Variants in RIOK3 observed in about 807,000 individuals in gnomAD.
RIOK3 encodes the protein RIO kinase 3.
In RIOK3, 40 loss-of-function variants were observed where a neutral mutation model predicts 63.5. The observed-to-expected ratio is 0.63, with a 90% confidence interval of 0.49 to 0.82. The LOEUF (loss-of-function observed/expected upper bound fraction) is 0.82, where lower values mean the gene tolerates loss of function less well. Among genes scored for constraint, RIOK3 ranks in the 40% least tolerant of loss-of-function variants. The pLI is 0.00. For missense variants in RIOK3, 557 were observed against 637.0 expected, an observed-to-expected ratio of 0.87 and a Z score of 1.35; for synonymous variants, 193 against 205.0, an observed-to-expected ratio of 0.94 and a Z score of 0.50.
At chr18:23,480,081 G>T (rs1185151109) in intron 12 of RIOK3, among the ~76,000 whole-genome samples, 1 of 152,170 alleles carries the variant, frequency 6.6e-6, no homozygotes, top group East Asian at 1.9e-4. Context: ...TAGAAAGTTA[G>T]AAGTGCCTAT....
At position 23,459,980 on chromosome 18, in the gene RIOK3, C is replaced by T. The variant is rs2057364386; in HGVS notation, c.64-2984C>T. Among the ~76,000 whole-genome samples the T allele has an allele frequency of 2.6e-5, 4 of 152,214 alleles. No homozygotes were observed. The South Asian group carries it at 8.3e-4, about 32-fold the overall frequency. ...AAGTGCTGGGATTACAGGCGTGAGC[C>T]ACTGCACACGGCCTGAGTATGCCAT... On this transcript the variant is annotated intron_variant, in intron 1 of 12. Transcript: ENST00000339486.
intron 7 of RIOK3, 34 bp from the exon 8 acceptor site, chr18:23,473,395 C>T (rs1246244691): frequency 1.0e-5 from 14 of 1,399,424 alleles, no homozygotes; most frequent in Non-Finnish European, 1.2e-5. Flanking sequence ...GAGCTGGCAA[C>T]TTGTACTGAC....
chr18:23,481,463 A>G lies in RIOK3; in HGVS notation c.*184A>G. On this transcript the variant is annotated 3_prime_UTR_variant, in exon 13 of 13. Transcript: ENST00000339486. The stretch of plus-strand genomic sequence containing the variant: ...TTTAGCTCAGCATTGAGAGAATAAA[A>G]TGTCACTACCTCTCATCTTATGAAC... 1 of 488,306 alleles carries G rather than the reference A, an allele frequency of 2.0e-6. No homozygotes were observed. The highest frequency in any genetic ancestry group is 3.6e-6 in the Non-Finnish European group (1 of 278,482). The allele number at this position is 488,306 out of a possible 1,614,324, so 30.2% of individuals were successfully genotyped here.
intron 8 of RIOK3, 129 bp from the exon 9 acceptor site, chr18:23,474,818 TG>T: frequency 1.5e-6 from 1 of 657,086 alleles, no homozygotes; most frequent in South Asian, 2.1e-5. Context: ...TTACTGTCTT[TG>T]TATTCCCACA....
At chr18:23,463,156 AGTGGTTTGG>A in intron 2 of RIOK3, 77 bp downstream of exon 2, 1 of 936,258 alleles carries the variant, frequency 1.1e-6, no homozygotes, top group South Asian at 1.6e-5. Flanking sequence ...TGTCATGACA[AGTGGTTTGG>A]AAAAAGCAGT....
At chr18:23,479,527 CAA>C in intron 12 of RIOK3, 103 bp downstream of exon 12, 1 of 614,292 alleles carries the variant, frequency 1.6e-6, no homozygotes, top group Non-Finnish European at 2.8e-6. Context: ...TCCCCCAAAA[CAA>C]AATTAATTTG....
At chr18:23,457,562 A>G (rs2057348942) in intron 1 of RIOK3, among the ~76,000 whole-genome samples, 1 of 152,236 alleles carries the variant, frequency 6.6e-6, no homozygotes, top group South Asian at 2.1e-4. Context: ...AACGTATAAT[A>G]CTAATGCAAG....
chr18:23,466,637 C>T (rs2057409917), intron 6 of RIOK3, among the ~76,000 whole-genome samples: 1 of 146,898 alleles, frequency 6.8e-6, no homozygotes, highest in African/African-American at 2.5e-5. Flanking sequence ...CTGCAGTGAA[C>T]CATGATTGTG....
chr18:23,454,872 C>CT (rs2057327942), intron 1 of RIOK3, among the ~76,000 whole-genome samples: 1 of 152,168 alleles, frequency 6.6e-6, no homozygotes, highest in East Asian at 1.9e-4. Flanking sequence ...ATCATTAATC[C>CT]TTTTTTTCTC....
chr18:23,479,575 C>T, intron 12 of RIOK3, 151 bp downstream of exon 12: 1 of 526,380 alleles, frequency 1.9e-6, no homozygotes, highest in Non-Finnish European at 3.4e-6. Flanking sequence ...TTGGTTTTTT[C>T]TTTTTTTCTT....
rs2057541819 is a variant in RIOK3 at position 23,482,491 on chromosome 18, C to A, written c.*1212C>A. The stretch of plus-strand genomic sequence containing the variant: ...TGCCACTGCACTCCGGCCTAGGTGA[C>A]AGAGGGAAACTCCATCTCCAGGAAA... On this transcript the variant is annotated 3_prime_UTR_variant, in exon 13 of 13. Coordinates refer to ENST00000339486, the MANE Select transcript of RIOK3 (RefSeq NM_003831.5). 1 of 144,526 alleles carries A rather than the reference C, an allele frequency of 6.9e-6. No homozygotes were observed. The highest frequency in any genetic ancestry group is 1.5e-5 in the Non-Finnish European group (1 of 66,972). The allele number at this position is 144,526 out of a possible 1,614,324, so 9.0% of individuals were successfully genotyped here.
intron 9 of RIOK3, among the ~76,000 whole-genome samples, chr18:23,476,792 G>A (rs149637318): frequency 0.026 from 4,019 of 152,176 alleles, 59 homozygotes; most frequent in Middle Eastern, 0.061. Flanking sequence ...GGTGCCTGTA[G>A]TCCGAGCTAC....
chr18:23,469,304 CCT>C (rs376929343), intron 7 of RIOK3, among the ~76,000 whole-genome samples: 2,237 of 19,332 alleles, frequency 0.12, 228 homozygotes, highest in Non-Finnish European at 0.15. Context: ...TTTCTTTCTT[CCT>C]CTCTCTCTCT....
At chr18:23,464,880 T>C (rs1351250487) in intron 5 of RIOK3, among the ~76,000 whole-genome samples, 3 of 152,194 alleles carry the variant, frequency 2.0e-5, no homozygotes, top group African/African-American at 7.2e-5. Context: ...TAAATAGTTA[T>C]TATGAAATTA....
chr18:23,466,614 C>T (rs2057409735), intron 6 of RIOK3, among the ~76,000 whole-genome samples: 2 of 147,812 alleles, frequency 1.4e-5, no homozygotes, highest in Admixed American at 6.9e-5. Flanking sequence ...TGGTTGAGCC[C>T]AAGAAGTTGA....
In RIOK3 at chr18:23,473,595, TG is replaced by T. The variant is rs1285128847; in HGVS notation, c.985del (p.Ala329GlnfsTer24). On this transcript the variant is annotated frameshift_variant, in exon 8 of 13. Transcript: ENST00000339486. LOFTEE classifies it high-confidence loss of function. Reference protein sequence around the residue: ...KLNPRKIIRMWAEKEMHNLAR... With the variant: ...KLNPRKIIRMXAEKEMHNLAR... ...AAATCCACGTAAGATCATCCGCATG[TG>T]GGCAGAAAAAGAAATGCACAATCTC... 1 of 1,613,546 alleles carries T rather than the reference TG, an allele frequency of 6.2e-7. No homozygotes were observed. Among genetic ancestry groups the T allele is most frequent in the Non-Finnish European group, 8.5e-7 (1 of 1,179,690 alleles).
At chr18:23,473,881 C>T (rs1282523431) in intron 8 of RIOK3, among the ~76,000 whole-genome samples, 3 of 152,236 alleles carry the variant, frequency 2.0e-5, no homozygotes, top group Admixed American at 6.5e-5. Context: ...GCTTTTATCA[C>T]GAAGTAAAAC....
At chr18:23,464,476 CTT>C in intron 4 of RIOK3, 41 bp from the exon 5 acceptor site, 1 of 1,364,620 alleles carries the variant, frequency 7.3e-7, no homozygotes, top group East Asian at 2.3e-5. Context: ...GCAATGTAGT[CTT>C]TGCTATTTTT....
chr18:23,466,327 T>G (rs2057407716), intron 6 of RIOK3, 51 bp downstream of exon 6: 1 of 1,395,188 alleles, frequency 7.2e-7, no homozygotes, highest in Non-Finnish European at 9.6e-7. Context: ...AGATTCATAT[T>G]AGAAAACTTT....
Sources: gnomAD v4.1 joint callset for allele counts (sites outside exome capture counted in the v4.1 genomes callset) on GRCh38, gnomAD v4.1.1 for gene constraint, MANE v1.5 for transcripts, NCBI Gene and HGNC (gene_info 2026-07-23, HGNC 2026-07-21) for gene names.